The following MROH1 variants were observed in gnomAD, a reference collection of about 807,000 sequenced individuals.
The protein encoded by MROH1 is maestro heat-like repeat-containing protein family member 1.
Under a neutral mutation model 116.5 loss-of-function variants are expected in MROH1, and 117 were observed. That is an observed-to-expected ratio of 1.00 (90% CI 0.86 to 1.17). The LOEUF is 1.17. Ranked by LOEUF, MROH1 falls within the 50% of genes most tolerant of loss-of-function variation. MROH1 has a pLI of 0.00. For missense variants in MROH1, 1,873 were observed against 1,338.5 expected (o/e 1.40, Z -6.23); for synonymous variants, 921 against 583.9 (o/e 1.58, Z -8.32).
intron 10 of MROH1, among the ~76,000 whole-genome samples, chr8:144,195,458 C>T (rs187671248): frequency 0.018 from 2,300 of 129,428 alleles, 61 homozygotes; most frequent in African/African-American, 0.06. Flanking sequence ...GCTGAGATCA[C>T]GCCACTGCAC....
At chr8:144,212,416 T>C (rs1029431954) in intron 12 of MROH1, among the ~76,000 whole-genome samples, 1 of 151,914 alleles carries the variant, frequency 6.6e-6, no homozygotes, top group African/African-American at 2.4e-5. Context: ...GTAGTCTGTT[T>C]CTGGAGGGCT....
chr8:144,211,726 CAAAAAA>C (rs74429626), intron 12 of MROH1, among the ~76,000 whole-genome samples: 2,401 of 114,916 alleles, frequency 0.021, 58 homozygotes, highest in African/African-American at 0.069. Flanking sequence ...AATTCCATCT[CAAAAAA>C]AAAAAAAAGA....
chr8:144,166,431 G>A (rs957864786), intron 3 of MROH1, among the ~76,000 whole-genome samples: 1 of 152,222 alleles, frequency 6.6e-6, no homozygotes. Flanking sequence ...CCCCGGTTCA[G>A]CTCTGGGGTC....
At chr8:144,254,733 G>A (rs1843398087) in intron 33 of MROH1, 80 bp from the exon 34 acceptor site, 1 of 691,412 alleles carries the variant, frequency 1.4e-6, no homozygotes, top group African/African-American at 1.7e-5. Flanking sequence ...CGTGGAGCCA[G>A]GGTCCACGGC....
intron 35 of MROH1, among the ~76,000 whole-genome samples, 168 bp from the exon 36 acceptor site, chr8:144,258,606 TGGG>T (rs1844373565): frequency 6.6e-6 from 1 of 152,034 alleles, no homozygotes; most frequent in African/African-American, 2.4e-5. Flanking sequence ...GGTGGGGAAA[TGGG>T]GGGCCTCTAG....
At chr8:144,234,498 GTTTTTTTTTTTT>G (rs1165164431) in intron 14 of MROH1, among the ~76,000 whole-genome samples, 111 of 18,064 alleles carry the variant, frequency 6.1e-3, no homozygotes, top group Non-Finnish European at 0.01. Context: ...TTTCTTTTTC[GTTTTTTTTTTTT>G]TTTTTTTTTT....
chr8:144,212,411 C>T lies in MROH1; in HGVS notation c.1142-8189C>T, dbSNP rs547370258. On this transcript the variant is annotated intron_variant, in intron 12 of 43. Coordinates refer to ENST00000326134, the MANE Select transcript of MROH1 (RefSeq NM_032450.3). ...AGAAGTTACCTTTTAAGACAGTAGT[C>T]TGTTTCTGGAGGGCTCATTACTTCT... Among the ~76,000 whole-genome samples, 67 of 151,830 alleles carry T rather than the reference C, an allele frequency of 4.4e-4. 1 individual carries two copies. In the South Asian group the frequency reaches 0.014, roughly 31 times the overall value.
At chr8:144,202,224 T>C (rs1831328004) in intron 12 of MROH1, among the ~76,000 whole-genome samples, 1 of 151,212 alleles carries the variant, frequency 6.6e-6, no homozygotes, top group African/African-American at 2.4e-5. Flanking sequence ...TGGTGGGCTG[T>C]CTGGAGGCTG....
At position 144,249,041 on chromosome 8, in the gene MROH1, C is replaced by T. The variant is rs906663512; in HGVS notation, c.3273+12C>T. ...TGCTCCAGGAGAAGGTGGGAGAGGG[C>T]GGGGCGCGGGGGGTGCTCCAGGAGA... On this transcript the variant is annotated intron_variant, in intron 32 of 43. Transcript: ENST00000326134. The T allele has an allele frequency of 6.1e-4, 333 of 548,946 alleles. No individual in the cohort carries two copies. The highest frequency in any genetic ancestry group is 3.6e-3 in the Middle Eastern group (10 of 2,754). 34.0% of individuals were successfully genotyped at this position (548,946 alleles called of 1,614,324 possible).
chr8:144,196,119 T>C (rs1047941556), intron 10 of MROH1, among the ~76,000 whole-genome samples: 2 of 151,728 alleles, frequency 1.3e-5, no homozygotes, highest in African/African-American at 4.8e-5. Flanking sequence ...TGAAACCCTG[T>C]CTCTACTGAA....
At chr8:144,199,483 C>T (rs997063408) in intron 11 of MROH1, among the ~76,000 whole-genome samples, 4 of 152,166 alleles carry the variant, frequency 2.6e-5, no homozygotes, top group South Asian at 4.1e-4. Flanking sequence ...CCCTACCTGC[C>T]CCCCGCCTAC....
intron 1 of MROH1, among the ~76,000 whole-genome samples, chr8:144,160,737 A>G (rs990191245): frequency 7.1e-6 from 1 of 140,798 alleles, no homozygotes; most frequent in African/African-American, 3.2e-5. Context: ...CCCAGGCACC[A>G]GACAAATTTA....
chr8:144,249,953 A>G (rs968317128), intron 32 of MROH1, among the ~76,000 whole-genome samples: 23 of 152,174 alleles, frequency 1.5e-4, no homozygotes, highest in African/African-American at 5.3e-4. Context: ...TCTGGGCCAC[A>G]TGTGCCCTTG....
intron 12 of MROH1, among the ~76,000 whole-genome samples, chr8:144,217,957 T>C (rs988098952): frequency 3.3e-5 from 5 of 151,580 alleles, no homozygotes; most frequent in Non-Finnish European, 5.9e-5. Flanking sequence ...AGGATCCCTC[T>C]GGGTGGCTGC....
chr8:144,223,150 C>G lies in MROH1; in HGVS notation c.1258C>G (p.His420Asp), dbSNP rs1162465625. The change falls in exon 14 of 44, where the codon CAC becomes GAC. Residue 420 changes from histidine to aspartate, a missense_variant. Coordinates refer to ENST00000326134, the MANE Select transcript of MROH1 (RefSeq NM_032450.3). Reference sequence around the variant, plus strand: ...GCAGGTGATTAGCGCCATGGCCCACCACGGCTACCTGGAGCAGCCTGGAGG... The same window carrying G: ...GCAGGTGATTAGCGCCATGGCCCACGACGGCTACCTGGAGCAGCCTGGAGG... ...VVQVISAMAH[H>D]GYLEQPGGEA... 2.5e-6 allele frequency: 4 copies of G among 1,612,928 alleles called. No individual in the cohort carries two copies. Among genetic ancestry groups the G allele is most frequent in the African/African-American group, 2.7e-5 (2 of 74,838 alleles).
rs1000724579 is a variant in MROH1, at chr8:144,261,333, G to A, written c.4824G>A (p.Leu1608=). 1.1e-5 allele frequency: 8 copies of A among 711,680 alleles called. No homozygotes were observed. Among genetic ancestry groups the A allele is most frequent in the Non-Finnish European group, 1.8e-5 (7 of 391,584 alleles). The allele number at this position is 711,680 out of a possible 1,614,324, so 44.1% of individuals were successfully genotyped here. A position where few individuals can be genotyped will look rare whatever the true frequency, so the allele number is the denominator to read the frequency against. The change falls in exon 43 of 44, where the codon CTG becomes CTA. Residue 1608 remains leucine (L), a synonymous_variant. Transcript: ENST00000326134. The part of the protein sequence containing the change: ...SEPRQQPQVD[L]DQLIAALQIL... Reference sequence around the variant, plus strand: ...CCAGGCAGCAGCCGCAGGTGGACCTGGACCAGCTCATTGCGGGTGAGCACC... The same window carrying A: ...CCAGGCAGCAGCCGCAGGTGGACCTAGACCAGCTCATTGCGGGTGAGCACC...
intron 32 of MROH1, 96 bp downstream of exon 32, chr8:144,249,125 A>T (rs1311849353): frequency 2.9e-6 from 2 of 693,796 alleles, no homozygotes; most frequent in East Asian, 5.4e-5. Flanking sequence ...GCTCTTGGAG[A>T]GGTGGCACTG....
chr8:144,243,907 T>G lies in MROH1; in HGVS notation c.2520T>G (p.Ile840Met). The change falls in exon 26 of 44, where the codon ATT becomes ATG. Residue 840 changes from isoleucine to methionine, a missense_variant. Coordinates refer to ENST00000326134, the MANE Select transcript of MROH1 (RefSeq NM_032450.3). ...AEPPDSLRTP[I>M]RKKAMLTCTY... ...CCCCGGACTCCTTGAGGACACCTAT[T>G]CGGAAGAAAGCCATGCTCACCTGCA... 1 of 780,506 alleles carries G rather than the reference T, an allele frequency of 1.3e-6. No individual in the cohort carries two copies. The highest frequency in any genetic ancestry group is 2.4e-6 in the Non-Finnish European group (1 of 417,772). 48.3% of individuals were successfully genotyped at this position (780,506 alleles called of 1,614,324 possible).
At chr8:144,176,372 C>A (rs1158241245) in intron 4 of MROH1, among the ~76,000 whole-genome samples, 36 of 139,750 alleles carry the variant, frequency 2.6e-4, no homozygotes, top group East Asian at 6.3e-4. Flanking sequence ...GACTGCATCT[C>A]AAAAAAAAAA....
Sources: gnomAD v4.1 joint callset for allele counts (sites outside exome capture counted in the v4.1 genomes callset) on GRCh38, gnomAD v4.1.1 for gene constraint, MANE v1.5 for transcripts, NCBI Gene and HGNC (gene_info 2026-07-23, HGNC 2026-07-21) for gene names.